Variants in CDC42 observed in about 807,000 individuals in gnomAD.
CDC42 encodes cell division control protein 42 homolog.
CDC42 carries 1 observed loss-of-function variant against 20.8 expected under a neutral mutation model. The observed-to-expected ratio is 0.05, with a 90% CI of 0.02 to 0.23. The LOEUF (loss-of-function observed/expected upper bound fraction) is 0.23, where lower values mean the gene tolerates loss of function less well. Among genes scored for constraint, CDC42 ranks in the 10% least tolerant of loss-of-function variants. The pLI is 1.00. For missense variants in CDC42, 49 were observed against 227.9 expected (o/e 0.21, Z 5.05); for synonymous variants, 72 against 84.8 (o/e 0.85, Z 0.83).
chr1:22,057,737 T>G (rs1645318784), intron 1 of CDC42, among the ~76,000 whole-genome samples: 1 of 151,752 alleles, frequency 6.6e-6, no homozygotes, highest in South Asian at 2.1e-4. Flanking sequence ...TTTTCTTTTT[T>G]TTTTGAGACA....
intron 5 of CDC42, chr1:22,089,819 G>C: frequency 1.1e-6 from 1 of 936,534 alleles, no homozygotes; most frequent in Non-Finnish European, 1.5e-6. Context: ...GCATTCTAGC[G>C]TTTTTCTTAA....
At chr1:22,079,934 AT>A (rs1645591436) in intron 2 of CDC42, among the ~76,000 whole-genome samples, 1 of 152,224 alleles carries the variant, frequency 6.6e-6, no homozygotes, top group South Asian at 2.1e-4. Flanking sequence ...TAGTAGTAGA[AT>A]AAAATTTTAA....
intron 1 of CDC42, among the ~76,000 whole-genome samples, chr1:22,064,497 G>C (rs935558627): frequency 4.0e-5 from 6 of 151,572 alleles, no homozygotes; most frequent in Non-Finnish European, 7.4e-5. Flanking sequence ...TGCCATGTTG[G>C]CCAGGTTGGT....
rs2124068885 is a variant in CDC42, at chr1:22,098,351, T to C, written c.*6834T>C. Among the ~76,000 whole-genome samples the C allele has an allele frequency of 6.6e-6, 1 of 151,640 alleles. No individual in the cohort carries two copies. The highest frequency in any genetic ancestry group is 2.4e-5 in the African/African-American group (1 of 41,262). ...TAGATGGGAAGGCTGAAAAAAAAAA[T>C]ACTCCTGAGATTCTGAATCTGTAAG... On this transcript the variant is annotated 3_prime_UTR_variant, in exon 6 of 6. Transcript: ENST00000656825.
chr1:22,072,123 A>C (rs1301998861), intron 1 of CDC42, among the ~76,000 whole-genome samples: 1 of 98,326 alleles, frequency 1.0e-5, no homozygotes, highest in African/African-American at 4.1e-5. Context: ...TTTGGGATGG[A>C]GTCTCGCTCT....
At chr1:22,090,375 T>C in intron 5 of CDC42, 2 of 1,015,374 alleles carry the variant, frequency 2.0e-6, no homozygotes, top group Non-Finnish European at 2.4e-6. Flanking sequence ...TAGATCTTAG[T>C]TCTAGATGGA....
At chr1:22,083,554 G>A (rs1388255018) in intron 3 of CDC42, among the ~76,000 whole-genome samples, 2 of 151,898 alleles carry the variant, frequency 1.3e-5, no homozygotes, top group Admixed American at 1.3e-4. Flanking sequence ...GCAGTGAGCC[G>A]AGATTCTGCC....
intron 3 of CDC42, among the ~76,000 whole-genome samples, chr1:22,085,882 G>A (rs1645656590): frequency 6.6e-6 from 1 of 152,122 alleles, no homozygotes; most frequent in Non-Finnish European, 1.5e-5. Flanking sequence ...GTCTCACTCT[G>A]TCACCCAGAC....
intron 1 of CDC42, chr1:22,053,202 C>G (rs1645256154): frequency 1.4e-5 from 2 of 147,416 alleles, no homozygotes; most frequent in African/African-American, 4.9e-5. Flanking sequence ...GTTCCGTGCC[C>G]TGCGCTCCGG....
intron 1 of CDC42, among the ~76,000 whole-genome samples, chr1:22,072,354 C>T (rs2152829412): frequency 6.6e-6 from 1 of 152,098 alleles, no homozygotes; most frequent in Admixed American, 6.6e-5. Context: ...GCCTCGGCCT[C>T]CCAAAGTGCT....
chr1:22,075,215 A>G (rs1056236288), intron 1 of CDC42, among the ~76,000 whole-genome samples: 8 of 152,222 alleles, frequency 5.3e-5, no homozygotes, highest in East Asian at 3.8e-4. Flanking sequence ...GTAGCCTCCT[A>G]TAGTTTTTAT....
chr1:22,073,175 T>C (rs1290527629), intron 1 of CDC42, among the ~76,000 whole-genome samples: 3 of 152,144 alleles, frequency 2.0e-5, no homozygotes, highest in Non-Finnish European at 4.4e-5. Flanking sequence ...CTGTAGTGTG[T>C]GGACTTAAAA....
At chr1:22,053,891 G>A (rs1245512151) in intron 1 of CDC42, among the ~76,000 whole-genome samples, 1 of 152,144 alleles carries the variant, frequency 6.6e-6, no homozygotes, top group Non-Finnish European at 1.5e-5. Context: ...CACCGTCCAC[G>A]GCCCCTTGCG....
intron 1 of CDC42, among the ~76,000 whole-genome samples, chr1:22,075,731 T>G (rs1330408370): frequency 6.6e-6 from 1 of 152,228 alleles, no homozygotes; most frequent in Non-Finnish European, 1.5e-5. Context: ...ACTGTTTTCA[T>G]TTTTAGAGAA....
At chr1:22,080,553 T>A (rs1186133441) in intron 2 of CDC42, among the ~76,000 whole-genome samples, 1 of 152,200 alleles carries the variant, frequency 6.6e-6, no homozygotes, top group Non-Finnish European at 1.5e-5. Flanking sequence ...ATTCTTCTCC[T>A]AGTTGGAAAG....
chr1:22,061,532 CTTTTTTTTTT>C, intron 1 of CDC42, among the ~76,000 whole-genome samples: 1 of 36,238 alleles, frequency 2.8e-5, no homozygotes, highest in African/African-American at 1.0e-4. Context: ...ATGTTTCTTT[CTTTTTTTTTT>C]TTTTTTTTTT....
rs1645735029 is a variant in CDC42 at position 22,093,435 on chromosome 1, C to G, written c.*1918C>G. ...AACTACTACTATCAGAATACAGGTT[C>G]TGTGCTGCGAATCTGAATATGGGAT... is the stretch of plus-strand genomic sequence containing the variant. On this transcript the variant is annotated 3_prime_UTR_variant, in exon 6 of 6. Coordinates refer to ENST00000656825, the MANE Select transcript of CDC42 (RefSeq NM_001791.4). 6.6e-6 allele frequency among the ~76,000 whole-genome samples: 1 copy of G among 152,212 alleles called. No individual in the cohort carries two copies. The highest frequency in any genetic ancestry group is 1.5e-5 in the Non-Finnish European group (1 of 68,042).
intron 1 of CDC42, among the ~76,000 whole-genome samples, chr1:22,065,702 G>A (rs79394333): frequency 2.1e-5 from 3 of 145,188 alleles, no homozygotes; most frequent in South Asian, 2.2e-4. Context: ...TGCCAGGATC[G>A]TACACATTGA....
At chr1:22,065,084 A>ATT (rs1271811167) in intron 1 of CDC42, among the ~76,000 whole-genome samples, 1 of 152,202 alleles carries the variant, frequency 6.6e-6, no homozygotes, top group Non-Finnish European at 1.5e-5. Flanking sequence ...TGGTGATACT[A>ATT]TTGTCTCTGT....
Sources: allele counts gnomAD v4.1 joint callset (sites outside exome capture counted in the v4.1 genomes callset), GRCh38; gene constraint gnomAD v4.1.1; transcripts MANE v1.5; gene names NCBI Gene and HGNC (gene_info 2026-07-23, HGNC 2026-07-21).